Variants in TRPM3 observed in about 807,000 individuals in gnomAD.
TRPM3 encodes transient receptor potential cation channel subfamily M member 3, also known as long transient receptor potential channel 3.
A neutral mutation model predicts 181.2 loss-of-function variants in TRPM3; 77 were observed. The observed-to-expected ratio is 0.42, with a 90% CI of 0.35 to 0.51. The LOEUF (loss-of-function observed/expected upper bound fraction) is 0.51. TRPM3 is among the 20% of genes least tolerant of loss of function. TRPM3 has a pLI of 0.01. For missense variants in TRPM3, 1,759 were observed against 2,196.7 expected, an observed-to-expected ratio of 0.80 and a Z score of 3.98; for synonymous variants, 745 against 796.4, an observed-to-expected ratio of 0.94 and a Z score of 1.09.
At position 71,312,411 on chromosome 9, in the gene TRPM3, A is replaced by G. The variant is rs921102834; in HGVS notation, c.183+134242T>C. 2.0e-5 allele frequency among the ~76,000 whole-genome samples: 3 copies of G among 152,180 alleles called. No individual in the cohort carries two copies. The South Asian group carries it at 6.2e-4, about 31-fold the overall frequency. ...AGAAGAACACCACCAAATGCTGACA[A>G]GGATGTGGTGCATTATAAATTCTCA... On this transcript the variant is annotated intron_variant, in intron 1 of 24. Coordinates refer to the TRPM3 transcript ENST00000357533.
chr9:70,818,107 C>T lies in TRPM3; in HGVS notation c.973+9740G>A, dbSNP rs540576799. 3.3e-5 allele frequency among the ~76,000 whole-genome samples: 5 copies of T among 152,276 alleles called. No homozygotes were observed. The East Asian group carries it at 9.7e-4, about 29-fold the overall frequency. The stretch of plus-strand genomic sequence containing the variant: ...GTCAGTGGTGCTCGCTAGATAACCT[C>T]TGTCAGATTCCCATGACAAATTGTC... On this transcript the variant is annotated intron_variant, in intron 6 of 25. Transcript: ENST00000677713.
intron 1 of TRPM3, among the ~76,000 whole-genome samples, chr9:71,096,624 T>TCTCC (rs1397956274): frequency 1.4e-5 from 2 of 142,320 alleles, no homozygotes; most frequent in African/African-American, 5.2e-5. Context: ...TCTCTCTCTC[T>TCTCC]CCCCCTCTCC....
chr9:71,225,612 A>G (rs2080549854), intron 1 of TRPM3, among the ~76,000 whole-genome samples: 1 of 152,192 alleles, frequency 6.6e-6, no homozygotes, highest in African/African-American at 2.4e-5. Flanking sequence ...TGTATAAACT[A>G]CTCATATCTT....
In TRPM3 at chr9:71,121,356, C is replaced by G; in HGVS notation, c.-2G>C. 6 of 1,613,306 alleles carry G rather than the reference C, an allele frequency of 3.7e-6. No individual in the cohort carries two copies. Among genetic ancestry groups the G allele is most frequent in the Non-Finnish European group, 5.1e-6 (6 of 1,179,786 alleles). On this transcript the variant is annotated 5_prime_UTR_variant, in exon 1 of 26. Transcript: ENST00000677713. ...AACGGTCCCCCACGGCTCTGGCATC[C>G]CATGGTCATCTCCACACCTGCAAAT...
chr9:70,850,439 GAATA>G (rs1171187835), intron 3 of TRPM3, among the ~76,000 whole-genome samples: 2 of 152,044 alleles, frequency 1.3e-5, no homozygotes, highest in East Asian at 1.9e-4. Context: ...ATAAAGAAAA[GAATA>G]AATAAATAAA....
At chr9:70,970,394 T>A (rs1382631573) in intron 1 of TRPM3, among the ~76,000 whole-genome samples, 4 of 152,170 alleles carry the variant, frequency 2.6e-5, no homozygotes, top group African/African-American at 9.7e-5. Flanking sequence ...ATTCCTCAAT[T>A]AAATCCGTAC....
intron 1 of TRPM3, among the ~76,000 whole-genome samples, chr9:71,302,227 T>C (rs924520767): frequency 1.3e-5 from 2 of 152,184 alleles, no homozygotes; most frequent in African/African-American, 4.8e-5. Flanking sequence ...ATAAAAGTTA[T>C]TGCAAATACT....
intron 1 of TRPM3, among the ~76,000 whole-genome samples, chr9:71,009,057 GTA>G (rs1183418648): frequency 2.0e-5 from 3 of 152,194 alleles, no homozygotes; most frequent in Middle Eastern, 3.2e-3. Context: ...AGCAAACTGA[GTA>G]TAGAAGGAAC....
chr9:71,146,258 T>G (rs1257031749), intron 1 of TRPM3, among the ~76,000 whole-genome samples: 1 of 152,132 alleles, frequency 6.6e-6, no homozygotes, highest in Non-Finnish European at 1.5e-5. Context: ...ATGATGGAGC[T>G]TTCGAATCAC....
At chr9:71,303,700 C>A (rs1171869297) in intron 1 of TRPM3, among the ~76,000 whole-genome samples, 1 of 152,032 alleles carries the variant, frequency 6.6e-6, no homozygotes, top group Non-Finnish European at 1.5e-5. Context: ...AATAGCCTAG[C>A]TTTTGTCACT....
chr9:70,607,075 G>A (rs1415829528), intron 19 of TRPM3, among the ~76,000 whole-genome samples: 2 of 152,080 alleles, frequency 1.3e-5, no homozygotes, highest in East Asian at 3.9e-4. Context: ...CCTGAAATAG[G>A]CTCTCAAAAC....
intron 15 of TRPM3, among the ~76,000 whole-genome samples, 200 bp downstream of exon 15, chr9:70,621,044 C>T (rs868387092): frequency 4.9e-5 from 7 of 144,074 alleles, no homozygotes; most frequent in South Asian, 2.1e-4. Context: ...ATAATATATA[C>T]ATACTATAGT....
rs201390941 is a variant in TRPM3 at position 70,536,912 on chromosome 9, T to C, written c.4201A>G (p.Ile1401Val). Residue 1401 changes from isoleucine to valine, a missense_variant, in exon 26 of 26, where the codon ATT (isoleucine) becomes GTT (valine). By Grantham distance (29) the Ile-to-Val change is conservative. Coordinates refer to ENST00000677713, the MANE Select transcript of TRPM3 (RefSeq NM_001366145.2). ...APAAPANTLA[I>V]VPDSRRPSSC... ...GATGGTCTTCTGGAATCAGGAACAA[T>C]GGCCAAGGTGTTGGCAGGGGCTGCA... is the stretch of plus-strand genomic sequence containing the variant. The C allele has an allele frequency of 3.0e-5, 49 of 1,614,224 alleles. No homozygotes were observed. The Admixed American group carries it at 3.8e-4, about 13-fold the overall frequency.
intron 1 of TRPM3, among the ~76,000 whole-genome samples, chr9:71,128,566 C>A (rs1341246905): frequency 6.6e-6 from 1 of 152,158 alleles, no homozygotes; most frequent in Non-Finnish European, 1.5e-5. Context: ...TGTTCTCTTT[C>A]TAAACTAAGT....
intron 1 of TRPM3, among the ~76,000 whole-genome samples, chr9:70,998,524 T>C (rs2097567810): frequency 6.6e-6 from 1 of 152,068 alleles, no homozygotes; most frequent in East Asian, 1.9e-4. Flanking sequence ...CCAAAGTCCA[T>C]AGGGTTCATT....
At chr9:71,150,300 C>A (rs1271329119) in intron 1 of TRPM3, among the ~76,000 whole-genome samples, 2 of 151,944 alleles carry the variant, frequency 1.3e-5, no homozygotes, top group African/African-American at 4.8e-5. Flanking sequence ...CATTAACTTG[C>A]AAATACATTT....
At chr9:71,329,906 A>T (rs1201540210) in intron 1 of TRPM3, among the ~76,000 whole-genome samples, 1 of 152,230 alleles carries the variant, frequency 6.6e-6, no homozygotes, top group Non-Finnish European at 1.5e-5. Flanking sequence ...CCTTGTACAA[A>T]TAAATACAGA....
intron 22 of TRPM3, among the ~76,000 whole-genome samples, chr9:70,554,447 G>A (rs1256213437): frequency 1.3e-5 from 2 of 152,170 alleles, no homozygotes; most frequent in African/African-American, 2.4e-5. Flanking sequence ...CTACTCGGCT[G>A]GAGTACTTGG....
Position 71,135,791 on chromosome 9 carries a change from C to A in TRPM3, c.184-271280G>T, listed in dbSNP as rs867121405. 3.4e-3 allele frequency among the ~76,000 whole-genome samples: 517 copies of A among 152,120 alleles called. 2 individuals carry two copies. The highest frequency in any genetic ancestry group is 6.8e-3 in the Middle Eastern group (2 of 294). On this transcript the variant is annotated intron_variant, in intron 1 of 24. Coordinates refer to the TRPM3 transcript ENST00000357533. ...TATGCTTATCTTCAGGCAAAAAAAA[C>A]CCCCAGCAAATTACAGATCTGCTTC... is the stretch of plus-strand genomic sequence containing the variant.
Sources: gnomAD v4.1 joint callset for allele counts (sites outside exome capture counted in the v4.1 genomes callset) on GRCh38, gnomAD v4.1.1 for gene constraint, MANE v1.5 for transcripts, NCBI Gene and HGNC (gene_info 2026-07-23, HGNC 2026-07-21) for gene names.